GTF2F2: variants seen among roughly 807,000 people sequenced by gnomAD.
The protein encoded by GTF2F2 is ATP-dependent helicase GTF2F2.
In GTF2F2, 23 loss-of-function variants were observed where a neutral mutation model predicts 42.2. The ratio of observed to expected loss-of-function variants is 0.55; its 90% confidence interval spans 0.39 to 0.77. The LOEUF (loss-of-function observed/expected upper bound fraction) is 0.77. GTF2F2 is among the 30% of genes least tolerant of loss of function. The pLI is 0.00. For synonymous variants in GTF2F2, 105 were observed against 100.8 expected (o/e 1.04, Z -0.25); for missense variants, 261 against 287.2 (o/e 0.91, Z 0.66).
chr13:45,232,587 A>T (rs1321583932), intron 5 of GTF2F2, among the ~76,000 whole-genome samples: 1 of 152,132 alleles, frequency 6.6e-6, no homozygotes, highest in Non-Finnish European at 1.5e-5. Context: ...GTGACCTATG[A>T]TCACGCCACT....
In GTF2F2 at chr13:45,196,761, C is replaced by G. The variant is rs1282652299; in HGVS notation, c.305-10663C>G. Among the ~76,000 whole-genome samples, 3 of 152,120 alleles carry G rather than the reference C, an allele frequency of 2.0e-5. No individual in the cohort carries two copies. In the East Asian group the frequency reaches 5.8e-4, roughly 29 times the overall value. ...CTTCCTTACACCCTGTTTGGCCTGT[C>G]TATAGATGTCTTCATGGGAAGCCCC... On this transcript the variant is annotated intron_variant, in intron 4 of 7. Transcript: ENST00000340473.
In GTF2F2 at chr13:45,242,198, C is replaced by T. The variant is rs377261925; in HGVS notation, c.387-10673C>T. Among the ~76,000 whole-genome samples, 330 of 151,620 alleles carry T rather than the reference C, an allele frequency of 2.2e-3. 1 individual carries two copies. Among genetic ancestry groups the T allele is most frequent in the African/African-American group, 7.7e-3 (318 of 41,314 alleles). On this transcript the variant is annotated intron_variant, in intron 5 of 7. Transcript: ENST00000340473. ...GCTCAACCCTCACCCTATTACTTCA[C>T]CTGGCCTTTCTCCTGGCCTTCTGTC...
At chr13:45,212,424 A>ATTTC (rs369661601) in intron 5 of GTF2F2, among the ~76,000 whole-genome samples, 3,587 of 128,496 alleles carry the variant, frequency 0.028, 197 homozygotes, top group African/African-American at 0.089. Context: ...CCTAGGATTG[A>ATTTC]TTTCTTTCTT....
At chr13:45,224,360 T>C (rs1414251913) in intron 5 of GTF2F2, among the ~76,000 whole-genome samples, 2 of 152,190 alleles carry the variant, frequency 1.3e-5, no homozygotes, top group Non-Finnish European at 2.9e-5. Context: ...CTAGAATGAA[T>C]AGTGTGTGTA....
intron 6 of GTF2F2, among the ~76,000 whole-genome samples, chr13:45,263,377 C>T (rs1265419191): frequency 4.6e-5 from 7 of 151,998 alleles, no homozygotes; most frequent in South Asian, 2.1e-4. Context: ...TTCAGGCGCC[C>T]GCCACCATGC....
chr13:45,183,998 A>G (rs753751146), intron 4 of GTF2F2, among the ~76,000 whole-genome samples: 9 of 151,798 alleles, frequency 5.9e-5, no homozygotes, highest in Non-Finnish European at 1.0e-4. Flanking sequence ...TGGGATTACA[A>G]GTGTGCACTA....
chr13:45,177,946 T>C (rs963555674), intron 4 of GTF2F2, among the ~76,000 whole-genome samples: 8 of 152,180 alleles, frequency 5.3e-5, no homozygotes, highest in Non-Finnish European at 1.2e-4. Flanking sequence ...TGTCTTTTTA[T>C]TTCCTGTGAG....
intron 5 of GTF2F2, among the ~76,000 whole-genome samples, chr13:45,217,258 G>A (rs945778503): frequency 2.8e-5 from 4 of 141,002 alleles, no homozygotes; most frequent in South Asian, 4.5e-4. Flanking sequence ...AGATCACGCC[G>A]CCACGCTCCA....
At chr13:45,186,210 A>C (rs1319600405) in intron 4 of GTF2F2, among the ~76,000 whole-genome samples, 1 of 151,220 alleles carries the variant, frequency 6.6e-6, no homozygotes, top group South Asian at 2.1e-4. Context: ...CCTGACCTCA[A>C]GTGACCTGCC....
chr13:45,174,788 AG>A (rs1871792083), intron 4 of GTF2F2, among the ~76,000 whole-genome samples: 1 of 152,026 alleles, frequency 6.6e-6, no homozygotes, highest in Admixed American at 6.6e-5. Flanking sequence ...ATTGAGGTCT[AG>A]GGCCTTATCC....
chr13:45,170,544 T>C (rs1192154698), intron 4 of GTF2F2, among the ~76,000 whole-genome samples: 2 of 152,138 alleles, frequency 1.3e-5, no homozygotes, highest in Non-Finnish European at 2.9e-5. Context: ...AACAAATGAC[T>C]TTTTTTTCAG....
chr13:45,199,367 T>G (rs563120886), intron 4 of GTF2F2, among the ~76,000 whole-genome samples: 9 of 152,256 alleles, frequency 5.9e-5, no homozygotes, highest in Non-Finnish European at 1.2e-4. Context: ...CATTCCACAT[T>G]TCTTTGATTT....
chr13:45,145,826 C>T (rs1441423339), intron 2 of GTF2F2, among the ~76,000 whole-genome samples: 1 of 152,194 alleles, frequency 6.6e-6, no homozygotes, highest in Non-Finnish European at 1.5e-5. Flanking sequence ...TGCTGTCCTC[C>T]ACTGGGACAC....
intron 4 of GTF2F2, chr13:45,194,711 G>GT: frequency 1.4e-6 from 1 of 716,218 alleles, no homozygotes; most frequent in Non-Finnish European, 2.4e-6. Flanking sequence ...TGTCAGCTCG[G>GT]TTTTGCAGTA....
At chr13:45,213,732 G>C (rs1235452028) in intron 5 of GTF2F2, among the ~76,000 whole-genome samples, 5 of 151,926 alleles carry the variant, frequency 3.3e-5, no homozygotes, top group African/African-American at 1.2e-4. Flanking sequence ...AAATGGCAAA[G>C]GTAGGTACAG....
intron 6 of GTF2F2, among the ~76,000 whole-genome samples, chr13:45,260,873 T>A (rs1308088673): frequency 6.6e-6 from 1 of 152,098 alleles, no homozygotes; most frequent in Middle Eastern, 3.4e-3. Flanking sequence ...TTCAAAAAAA[T>A]TTTAAAAATT....
At chr13:45,266,471 G>A (rs1177107062) in intron 6 of GTF2F2, among the ~76,000 whole-genome samples, 5 of 152,082 alleles carry the variant, frequency 3.3e-5, no homozygotes, top group African/African-American at 1.2e-4. Context: ...TTTTCACTCC[G>A]TAAAGAACCC....
intron 5 of GTF2F2, among the ~76,000 whole-genome samples, chr13:45,231,521 G>A (rs991337117): frequency 2.0e-5 from 3 of 152,236 alleles, no homozygotes; most frequent in East Asian, 1.9e-4. Context: ...CTGAAACCAC[G>A]TCCACAGAGC....
intron 1 of GTF2F2, among the ~76,000 whole-genome samples, chr13:45,127,938 C>CT (rs1161627204): frequency 0.055 from 2,689 of 48,472 alleles, 357 homozygotes; most frequent in Middle Eastern, 0.12. Context: ...GCACCCCGGC[C>CT]TTTTTTTTTT....
Sources: allele counts gnomAD v4.1 joint callset (sites outside exome capture counted in the v4.1 genomes callset), GRCh38; gene constraint gnomAD v4.1.1; transcripts MANE v1.5; gene names NCBI Gene and HGNC (gene_info 2026-07-23, HGNC 2026-07-21).